Variants in TMPRSS11E observed in about 807,000 individuals in gnomAD.
The protein encoded by TMPRSS11E is transmembrane protease serine 11E.
A neutral mutation model predicts 48.1 loss-of-function variants in TMPRSS11E; 38 were observed. The ratio of observed to expected loss-of-function variants is 0.79; its 90% CI spans 0.61 to 1.04. The LOEUF is 1.04. Ranked by LOEUF, TMPRSS11E falls within the 50% of genes least tolerant of loss-of-function variation. The pLI is 0.00. For missense variants in TMPRSS11E, 530 were observed against 510.8 expected (o/e 1.04, Z -0.36); for synonymous variants, 158 against 171.9 (o/e 0.92, Z 0.63).
chr4:68,488,518 C>CT (rs1729625185), intron 9 of TMPRSS11E, among the ~76,000 whole-genome samples: 1 of 151,892 alleles, frequency 6.6e-6, no homozygotes, highest in South Asian at 2.1e-4. Flanking sequence ...CTCTTCTTTT[C>CT]TTTCCTTTTT....
At chr4:68,450,450 T>C (rs1231128495) in intron 1 of TMPRSS11E, among the ~76,000 whole-genome samples, 1 of 151,958 alleles carries the variant, frequency 6.6e-6, no homozygotes, top group East Asian at 1.9e-4. Flanking sequence ...TTTTAAAATA[T>C]ACTTTTTTCC....
chr4:68,488,159 T>C (rs2109716417), intron 9 of TMPRSS11E, among the ~76,000 whole-genome samples: 1 of 152,202 alleles, frequency 6.6e-6, no homozygotes, highest in South Asian at 2.1e-4. Flanking sequence ...GTCTTGTATG[T>C]TATATCTCTG....
At chr4:68,478,472 T>TTTTTTTTTA (rs878907082) in intron 8 of TMPRSS11E, among the ~76,000 whole-genome samples, 1 of 144,384 alleles carries the variant, frequency 6.9e-6, no homozygotes, top group Non-Finnish European at 1.5e-5. Flanking sequence ...TTTTTTTTTT[T>TTTTTTTTTA]AAGATGGGGC....
At chr4:68,496,553 C>A in intron 9 of TMPRSS11E, 90 bp from the exon 10 acceptor site, 2 of 1,285,606 alleles carry the variant, frequency 1.6e-6, no homozygotes, top group South Asian at 3.0e-5. Context: ...TGAAAATTAC[C>A]CCTTTCATTA....
intron 9 of TMPRSS11E, among the ~76,000 whole-genome samples, chr4:68,492,562 T>G (rs1204322026): frequency 2.6e-5 from 4 of 152,240 alleles, no homozygotes; most frequent in Non-Finnish European, 5.9e-5. Flanking sequence ...GGTTGTGATG[T>G]GCCATATGGA....
intron 9 of TMPRSS11E, 76 bp from the exon 10 acceptor site, chr4:68,496,567 T>G: frequency 7.0e-7 from 1 of 1,421,954 alleles, no homozygotes; most frequent in Non-Finnish European, 9.5e-7. Flanking sequence ...TTCATTACAT[T>G]CTTAAGTTAG....
Position 68,480,363 on chromosome 4 carries a change from T to C in TMPRSS11E, c.1110+1372T>C, listed in dbSNP as rs531211885. Among the ~76,000 whole-genome samples, 7 of 152,216 alleles carry C rather than the reference T, an allele frequency of 4.6e-5. No homozygotes were observed. The South Asian group carries it at 1.0e-3, about 23-fold the overall frequency. On this transcript the variant is annotated intron_variant, in intron 9 of 9. Transcript: ENST00000305363. ...TGTTTTTGAGATTGGGTAATTTCAA[T>C]GTATCTTCAAGTTTACTGATTCTTT...
At chr4:68,483,686 C>A (rs530237486) in intron 9 of TMPRSS11E, among the ~76,000 whole-genome samples, 1 of 152,192 alleles carries the variant, frequency 6.6e-6, no homozygotes, top group South Asian at 2.1e-4. Flanking sequence ...CTTTTAGGGT[C>A]TTTGTTATAA....
intron 3 of TMPRSS11E, among the ~76,000 whole-genome samples, chr4:68,467,515 TGTATCTCCAATGGTATCTACTAGGTAA>T (rs1728959076): frequency 2.0e-5 from 3 of 152,208 alleles, no homozygotes; most frequent in Non-Finnish European, 2.9e-5. Context: ...GGGAGGCACA[TGTATCTCCAATGGTATCTACTAGGTAA>T]TGATACATCA....
intron 9 of TMPRSS11E, among the ~76,000 whole-genome samples, chr4:68,485,164 T>A (rs1729517176): frequency 1.3e-5 from 2 of 152,160 alleles, no homozygotes; most frequent in Admixed American, 6.5e-5. Context: ...TTTTTCTTTT[T>A]GAGACAGAGT....
intron 9 of TMPRSS11E, among the ~76,000 whole-genome samples, chr4:68,484,233 G>C (rs561458137): frequency 6.6e-6 from 1 of 152,234 alleles, no homozygotes; most frequent in South Asian, 2.1e-4. Context: ...GAGCAGTATG[G>C]CCATTTTAAC....
intron 9 of TMPRSS11E, among the ~76,000 whole-genome samples, chr4:68,482,176 C>A (rs1217721048): frequency 1.6e-5 from 1 of 63,708 alleles, no homozygotes; most frequent in Admixed American, 1.8e-4. Flanking sequence ...ATAGAGGTGC[C>A]ATACACTTTT....
At chr4:68,492,719 T>C (rs1015812932) in intron 9 of TMPRSS11E, among the ~76,000 whole-genome samples, 1 of 152,170 alleles carries the variant, frequency 6.6e-6, no homozygotes, top group Non-Finnish European at 1.5e-5. Context: ...TCTTGAGCAG[T>C]TGACAAAAAT....
At position 68,475,179 on chromosome 4, in the gene TMPRSS11E, C is replaced by T. The variant is rs138369503; in HGVS notation, c.529+418C>T. On this transcript the variant is annotated intron_variant, in intron 6 of 9. Transcript: ENST00000305363. Reference sequence around the variant, plus strand: ...ATGTTATTAATCCTACGGATTAATACGAAAGTGCAGGAAATTATCGGGTCA... The same window carrying T: ...ATGTTATTAATCCTACGGATTAATATGAAAGTGCAGGAAATTATCGGGTCA... Among the ~76,000 whole-genome samples, 659 of 151,996 alleles carry T rather than the reference C, an allele frequency of 4.3e-3. 5 individuals are homozygous for T. The highest frequency in any genetic ancestry group is 0.015 in the African/African-American group (624 of 41,468).
intron 3 of TMPRSS11E, 123 bp from the exon 4 acceptor site, chr4:68,468,756 A>G (rs1470778695): frequency 1.3e-6 from 1 of 772,228 alleles, no homozygotes; most frequent in African/African-American, 1.7e-5. Context: ...AGTTCCACTC[A>G]CTGTGAAATG....
At chr4:68,452,791 A>G (rs1317377928) in intron 1 of TMPRSS11E, among the ~76,000 whole-genome samples, 1 of 151,994 alleles carries the variant, frequency 6.6e-6, no homozygotes, top group Non-Finnish European at 1.5e-5. Flanking sequence ...ATTATATAGT[A>G]CATTCAAGTC....
At chr4:68,449,890 G>A (rs1728446670) in intron 1 of TMPRSS11E, among the ~76,000 whole-genome samples, 2 of 151,780 alleles carry the variant, frequency 1.3e-5, no homozygotes, top group Non-Finnish European at 2.9e-5. Context: ...ACTCATTTAT[G>A]CAACATGGTG....
intron 9 of TMPRSS11E, among the ~76,000 whole-genome samples, chr4:68,491,340 C>G (rs1057464380): frequency 2.1e-5 from 3 of 141,574 alleles, no homozygotes; most frequent in Non-Finnish European, 3.0e-5. Context: ...AGAGCTCACT[C>G]TTGTATCATT....
At chr4:68,449,243 A>C (rs866812829) in intron 1 of TMPRSS11E, among the ~76,000 whole-genome samples, 92 of 151,756 alleles carry the variant, frequency 6.1e-4, no homozygotes, top group African/African-American at 2.2e-3. Context: ...GCATGAAGAG[A>C]TCAACACATG....
Sources: gnomAD v4.1 joint callset for allele counts (sites outside exome capture counted in the v4.1 genomes callset) on GRCh38, gnomAD v4.1.1 for gene constraint, MANE v1.5 for transcripts, NCBI Gene and HGNC (gene_info 2026-07-23, HGNC 2026-07-21) for gene names.